The following CXCR2 variants were observed in gnomAD, a reference collection of about 807,000 sequenced individuals.
CXCR2 encodes the protein C-X-C chemokine receptor type 2.
In CXCR2, 2 loss-of-function variants were observed where a neutral mutation model predicts 3.7. The observed-to-expected ratio is 0.55, with a 90% CI of 0.22 to 1.72. The LOEUF is 1.72. CXCR2 is among the 40% of genes most tolerant of loss of function. The pLI, the probability that CXCR2 is intolerant of heterozygous loss-of-function variation, is 0.19. For synonymous variants in CXCR2, 203 were observed against 193.3 expected, an observed-to-expected ratio of 1.05 and a Z score of -0.41; for missense variants, 351 against 450.1, an observed-to-expected ratio of 0.78 and a Z score of 1.99.
At chr2:218,127,672 A>G (rs1690542007) in intron 1 of CXCR2, among the ~76,000 whole-genome samples, 1 of 152,116 alleles carries the variant, frequency 6.6e-6, no homozygotes, top group Non-Finnish European at 1.5e-5. Flanking sequence ...AGATTTTTAG[A>G]AGTTTTTTAA....
chr2:218,136,267 T>TAA lies in CXCR2; in HGVS notation c.*384_*385insAA. ...GGTGAAACCCTGTCTCTACTAAAAATACAAAAAAAAAAAAAAATTAGCCGG... is the reference window on the plus strand; with the variant it reads ...GGTGAAACCCTGTCTCTACTAAAAATAAACAAAAAAAAAAAAAAATTAGCCGG... On this transcript the variant is annotated 3_prime_UTR_variant, in exon 3 of 3. Transcript: ENST00000318507. 1 of 111,964 alleles carries TAA rather than the reference T, an allele frequency of 8.9e-6. No homozygotes were observed. The allele number at this position is 111,964 out of a possible 1,614,324, so 6.9% of individuals were successfully genotyped here. A position where few individuals can be genotyped will look rare whatever the true frequency, so the allele number is the denominator to read the frequency against.
At position 218,134,766 on chromosome 2, in the gene CXCR2, C is replaced by A; in HGVS notation, c.-25-11C>A. The A allele has an allele frequency of 6.3e-7, 1 of 1,590,588 alleles. No individual in the cohort carries two copies. The highest frequency in any genetic ancestry group is 8.6e-7 in the Non-Finnish European group (1 of 1,167,440). On this transcript the variant is annotated splice_polypyrimidine_tract_variant and intron_variant, in intron 2 of 2. Coordinates refer to ENST00000318507, the MANE Select transcript of CXCR2 (RefSeq NM_001557.4). The stretch of plus-strand genomic sequence containing the variant: ...ATTTATTATGCAGTAACCTTCATCT[C>A]TCTTCTATAGGTCAGGATTTAAGTT...
chr2:218,135,712 T>C lies in CXCR2; in HGVS notation c.911T>C (p.Ile304Thr). 1 of 1,613,976 alleles carries C rather than the reference T, an allele frequency of 6.2e-7. No individual in the cohort carries two copies. Among genetic ancestry groups the C allele is most frequent in the Admixed American group, 1.7e-5 (1 of 59,992 alleles). The change falls in exon 3 of 3, where the codon ATC becomes ACC. Residue 304 changes from isoleucine to threonine, a missense_variant. By Grantham distance (89) the Ile-to-Thr change is moderately conservative. Transcript: ENST00000318507. This position sits in a 1 kb window ranked among gnomAD's most constrained non-coding sequence, Gnocchi z 4.0. ...RALDATEILG[I>T]LHSCLNPLIY... ...CTGGATGCCACCGAGATTCTGGGCA[T>C]CCTTCACAGCTGCCTCAACCCCCTC...
At chr2:218,133,039 G>T (rs770585647) in intron 2 of CXCR2, among the ~76,000 whole-genome samples, 1 of 152,144 alleles carries the variant, frequency 6.6e-6, no homozygotes, top group African/African-American at 2.4e-5. Flanking sequence ...CACCCACATT[G>T]TTCTTGGGCA....
rs966862143 is a variant in CXCR2, at chr2:218,136,485, A to G, written c.*601A>G. 1.8e-5 allele frequency: 3 copies of G among 167,216 alleles called. No individual in the cohort carries two copies. Among genetic ancestry groups the G allele is most frequent in the Admixed American group, 6.5e-5 (1 of 15,288 alleles). The allele number at this position is 167,216 out of a possible 1,614,324, so 10.4% of individuals were successfully genotyped here. A position where few individuals can be genotyped will look rare whatever the true frequency, so the allele number is the denominator to read the frequency against. On this transcript the variant is annotated 3_prime_UTR_variant, in exon 3 of 3. Transcript: ENST00000318507. ...GAACTCTCGAGCGTTGCTGGGGGGG[A>G]TTGTAAAATGGTGTGACCACTGCAG...
In CXCR2 at chr2:218,135,555, G is replaced by C. The variant is rs778059127; in HGVS notation, c.754G>C (p.Val252Leu). 1 of 1,614,158 alleles carries C rather than the reference G, an allele frequency of 6.2e-7. No homozygotes were observed. Among genetic ancestry groups the C allele is most frequent in the Middle Eastern group, 1.6e-4 (1 of 6,062 alleles). ...GGGGCAGAAGCACCGGGCCATGCGG[G>C]TCATCTTTGCTGTCGTCCTCATCTT... is the stretch of plus-strand genomic sequence containing the variant. ...HMGQKHRAMR[V>L]IFAVVLIFLL... is the part of the protein sequence containing the mutation. The change falls in exon 3 of 3, where the codon GTC becomes CTC. Residue 252 changes from valine to leucine, a missense_variant. By Grantham distance (32) the Val-to-Leu change is conservative. Transcript: ENST00000318507. This position sits in a 1 kb window ranked among gnomAD's most constrained non-coding sequence, Gnocchi z 4.0.
Position 218,135,883 on chromosome 2 carries a change from A to G in CXCR2, c.1082A>G (p.Ter361=), listed in dbSNP as rs201597594. Residue 361 remains the stop codon, a stop_retained_variant, in exon 3 of 3, where the codon TAA becomes TGA. Transcript: ENST00000318507. The surrounding 1 kb of genome is among the most constrained non-coding windows in gnomAD (Gnocchi z 4.0). ...TCAGGGCACACTTCCACTACTCTCTAAGACCTCCTGCCTAAGTGCAGCCCC... is the reference window on the plus strand; with the variant it reads ...TCAGGGCACACTTCCACTACTCTCTGAGACCTCCTGCCTAAGTGCAGCCCC... The part of the protein sequence containing the change: ...SSSGHTSTTL[*] The G allele has an allele frequency of 8.7e-5, 139 of 1,604,008 alleles. 1 individual carries two copies. The South Asian group carries it at 1.5e-3, about 17-fold the overall frequency.
rs962374179 is a variant in CXCR2 at position 218,136,997 on chromosome 2, G to T, written c.*1113G>T. 1.2e-5 allele frequency: 2 copies of T among 167,050 alleles called. No individual in the cohort carries two copies. Among genetic ancestry groups the T allele is most frequent in the African/African-American group, 4.8e-5 (2 of 41,412 alleles). The allele number at this position is 167,050 out of a possible 1,614,324, so 10.3% of individuals were successfully genotyped here. A position where few individuals can be genotyped will look rare whatever the true frequency, so the allele number is the denominator to read the frequency against. ...GGTTTATGTTTAGGATGTTGAAAAA[G>T]TTCTGCAGATAAACAGTAGTGATAG... On this transcript the variant is annotated 3_prime_UTR_variant, in exon 3 of 3. Transcript: ENST00000318507.
rs192606709 is a variant in CXCR2, at chr2:218,127,284, G to A, written c.-78+931G>A. On this transcript the variant is annotated intron_variant, in intron 1 of 2. Transcript: ENST00000318507. ...TGGGATTACAGGCGTGCGCTGCCACGCCTGGCTAATTTTTGCATTTTTAAT... is the reference window on the plus strand; with the variant it reads ...TGGGATTACAGGCGTGCGCTGCCACACCTGGCTAATTTTTGCATTTTTAAT... Among the ~76,000 whole-genome samples the A allele has an allele frequency of 4.1e-3, 630 of 152,096 alleles. 3 individuals carry two copies. Among genetic ancestry groups the A allele is most frequent in the Non-Finnish European group, 4.1e-3 (281 of 67,996 alleles).
At chr2:218,125,523 G>C (rs746346629), upstream of CXCR2, among the ~76,000 whole-genome samples, 1 of 151,870 alleles carries the variant, frequency 6.6e-6, no homozygotes, top group Non-Finnish European at 1.5e-5. Context: ...AGATGGGAGA[G>C]GCATGCTAAT....
rs1320594506 is a variant in CXCR2, at chr2:218,135,932, C to T, written c.*48C>T. The T allele has an allele frequency of 1.3e-6, 2 of 1,550,160 alleles. No homozygotes were observed. Among genetic ancestry groups the T allele is most frequent in the African/African-American group, 2.7e-5 (2 of 72,836 alleles). On this transcript the variant is annotated 3_prime_UTR_variant, in exon 3 of 3. Coordinates refer to ENST00000318507, the MANE Select transcript of CXCR2 (RefSeq NM_001557.4). The surrounding 1 kb of genome is among the most constrained non-coding windows in gnomAD (Gnocchi z 4.0). ...CCGTGGGGTTCCTCCCTTCTCTTCA[C>T]AGTCACATTCCAAGCCTCATGTCCA... is the stretch of plus-strand genomic sequence containing the variant.
In CXCR2 at chr2:218,135,154, T is replaced by C. The variant is rs753356883; in HGVS notation, c.353T>C (p.Leu118Pro). 1.9e-6 allele frequency: 3 copies of C among 1,614,146 alleles called. No homozygotes were observed. The highest frequency in any genetic ancestry group is 1.3e-5 in the African/African-American group (1 of 74,952). The change falls in exon 3 of 3, where the codon CTG (leucine) becomes CCG (proline). Residue 118 changes from leucine (L) to proline (P), a missense_variant. Coordinates refer to ENST00000318507, the MANE Select transcript of CXCR2 (RefSeq NM_001557.4). The surrounding 1 kb of genome is among the most constrained non-coding windows in gnomAD (Gnocchi z 4.0). ...KVNGWIFGTF[L>P]CKVVSLLKEV... ...AATGGCTGGATTTTTGGCACATTCC[T>C]GTGCAAGGTGGTCTCACTCCTGAAG...
At chr2:218,126,872 C>T (rs978820614) in intron 1 of CXCR2, among the ~76,000 whole-genome samples, 1 of 152,066 alleles carries the variant, frequency 6.6e-6, no homozygotes, top group Non-Finnish European at 1.5e-5. Flanking sequence ...GACAGGGTTT[C>T]GTCATGTTGC....
chr2:218,135,341 C>T lies in CXCR2; in HGVS notation c.540C>T (p.Val180=). The T allele has an allele frequency of 6.2e-7, 1 of 1,614,200 alleles. No homozygotes were observed. The highest frequency in any genetic ancestry group is 1.7e-5 in the Admixed American group (1 of 60,038). Residue 180 remains valine, a synonymous_variant, in exon 3 of 3, where the codon GTC becomes GTT. Coordinates refer to ENST00000318507, the MANE Select transcript of CXCR2 (RefSeq NM_001557.4). This position sits in a 1 kb window ranked among gnomAD's most constrained non-coding sequence, Gnocchi z 4.0. ...WGLSLLLALP[V]LLFRRTVYSS... ...TGTCCTTGCTCCTGGCCCTGCCTGT[C>T]TTACTTTTCCGAAGGACCGTCTACT...
chr2:218,135,508 G>T lies in CXCR2; in HGVS notation c.707G>T (p.Arg236Leu). 6.2e-7 allele frequency: 1 copy of T among 1,614,092 alleles called. No individual in the cohort carries two copies. Among genetic ancestry groups the T allele is most frequent in the Non-Finnish European group, 8.5e-7 (1 of 1,180,022 alleles). Residue 236 changes from arginine (R) to leucine (L), a missense_variant, in exon 3 of 3, where the codon CGT becomes CTT. Arg to Leu is a moderately radical substitution (Grantham distance 102). Transcript: ENST00000318507. The surrounding 1 kb of genome is among the most constrained non-coding windows in gnomAD (Gnocchi z 4.0). ...IMLFCYGFTL[R>L]TLFKAHMGQK... is the part of the protein sequence containing the mutation. ...CTGTTCTGCTACGGATTCACCCTGC[G>T]TACGCTGTTTAAGGCCCACATGGGG...
In CXCR2 at chr2:218,137,097, A is replaced by G. The variant is rs1690828150; in HGVS notation, c.*1213A>G. On this transcript the variant is annotated 3_prime_UTR_variant, in exon 3 of 3. Transcript: ENST00000318507. The stretch of plus-strand genomic sequence containing the variant: ...TTAAATGGTCAATTTTGTTATGTAT[A>G]TTTTATATCAATTTAAAAAAAAACC... 6.0e-6 allele frequency: 1 copy of G among 167,102 alleles called. No individual in the cohort carries two copies. Among genetic ancestry groups the G allele is most frequent in the Admixed American group, 6.5e-5 (1 of 15,276 alleles). 10.4% of individuals were successfully genotyped at this position (167,102 alleles called of 1,614,324 possible). A position where few individuals can be genotyped will look rare whatever the true frequency, so the allele number is the denominator to read the frequency against.
In CXCR2 at chr2:218,135,680, C is replaced by G; in HGVS notation, c.879C>G (p.Asp293Glu). ...QETCERRNHI[D>E]RALDATEILG... is the part of the protein sequence containing the mutation. ...CCTGTGAGCGCCGCAATCACATCGA[C>G]CGGGCTCTGGATGCCACCGAGATTC... The change falls in exon 3 of 3, where the codon GAC (aspartate) becomes GAG (glutamate). Residue 293 changes from aspartate to glutamate, a missense_variant. By Grantham distance (45) the Asp-to-Glu change is conservative. Transcript: ENST00000318507. This position sits in a 1 kb window ranked among gnomAD's most constrained non-coding sequence, Gnocchi z 4.0. 1 of 1,613,620 alleles carries G rather than the reference C, an allele frequency of 6.2e-7. No homozygotes were observed. Among genetic ancestry groups the G allele is most frequent in the Non-Finnish European group, 8.5e-7 (1 of 1,179,906 alleles).
At chr2:218,129,878 T>C (rs1172494932) in intron 2 of CXCR2, among the ~76,000 whole-genome samples, 1 of 152,198 alleles carries the variant, frequency 6.6e-6, no homozygotes, top group Non-Finnish European at 1.5e-5. Context: ...CCATCATCTA[T>C]GGAGTTTCCA....
Position 218,135,502 on chromosome 2 carries a change from C to A in CXCR2, c.701C>A (p.Thr234Asn). ...LLIMLFCYGF[T>N]LRTLFKAHMG... ...ATCATGCTGTTCTGCTACGGATTCA[C>A]CCTGCGTACGCTGTTTAAGGCCCAC... The change falls in exon 3 of 3, where the codon ACC (threonine) becomes AAC (asparagine). Residue 234 changes from threonine (T) to asparagine (N), a missense_variant. Physicochemically the swap from Thr to Asn is moderately conservative, Grantham distance 65. Transcript: ENST00000318507. This position sits in a 1 kb window ranked among gnomAD's most constrained non-coding sequence, Gnocchi z 4.0. 1 of 1,614,174 alleles carries A rather than the reference C, an allele frequency of 6.2e-7. No homozygotes were observed. Among genetic ancestry groups the A allele is most frequent in the Non-Finnish European group, 8.5e-7 (1 of 1,180,030 alleles).
Sources: allele counts gnomAD v4.1 joint callset (sites outside exome capture counted in the v4.1 genomes callset), GRCh38; gene constraint gnomAD v4.1.1; non-coding constraint Gnocchi (gnomAD v3.1); transcripts MANE v1.5; gene names NCBI Gene and HGNC (gene_info 2026-07-23, HGNC 2026-07-21).